Variants in PARN observed in about 807,000 individuals in gnomAD.
The protein encoded by PARN is poly(A)-specific ribonuclease PARN.
In PARN, 71 loss-of-function variants were observed where a neutral mutation model predicts 102.8. The observed-to-expected ratio is 0.69, with a 90% CI of 0.57 to 0.84. The LOEUF (loss-of-function observed/expected upper bound fraction) is 0.84. Ranked by LOEUF, PARN falls within the 40% of genes least tolerant of loss-of-function variation. The pLI is 0.00. For missense variants in PARN, 782 were observed against 760.9 expected, an observed-to-expected ratio of 1.03 and a Z score of -0.33; for synonymous variants, 261 against 252.9, an observed-to-expected ratio of 1.03 and a Z score of -0.30.
At chr16:14,518,570 A>G (rs1353684616) in intron 21 of PARN, among the ~76,000 whole-genome samples, 3 of 152,214 alleles carry the variant, frequency 2.0e-5, no homozygotes, top group East Asian at 3.8e-4. Flanking sequence ...AAGTAAATAT[A>G]GCAGATTACA....
chr16:14,595,088 A>C (rs144869449), intron 12 of PARN, among the ~76,000 whole-genome samples: 2 of 152,322 alleles, frequency 1.3e-5, no homozygotes, highest in East Asian at 3.9e-4. Flanking sequence ...CTAAAAACAA[A>C]ACGAATTGCA....
intron 19 of PARN, among the ~76,000 whole-genome samples, chr16:14,555,411 TA>T (rs1567380152): frequency 6.6e-6 from 1 of 152,126 alleles, no homozygotes; most frequent in African/African-American, 2.4e-5. Context: ...GAAAATGAAA[TA>T]TATAGAGAAG....
intron 12 of PARN, among the ~76,000 whole-genome samples, chr16:14,599,624 T>C (rs914861935): frequency 6.6e-6 from 1 of 152,200 alleles, no homozygotes; most frequent in South Asian, 2.1e-4. Context: ...GTTTTGAAAA[T>C]AACTCTTGGT....
At chr16:14,626,328 A>G (rs1427964163) in intron 5 of PARN, among the ~76,000 whole-genome samples, 1 of 152,210 alleles carries the variant, frequency 6.6e-6, no homozygotes, top group Non-Finnish European at 1.5e-5. Context: ...TTATTTTAAA[A>G]TAGAGATGAG....
chr16:14,533,051 A>AAG (rs1966437390), intron 21 of PARN, among the ~76,000 whole-genome samples: 1 of 152,078 alleles, frequency 6.6e-6, no homozygotes, highest in Non-Finnish European at 1.5e-5. Context: ...AGGCCAAGGC[A>AAG]GGCGGCTGGG....
chr16:14,451,840 C>A (rs1362281826), intron 22 of PARN, among the ~76,000 whole-genome samples: 1 of 81,618 alleles, frequency 1.2e-5, no homozygotes. Flanking sequence ...GAAACCCCGT[C>A]TCTAAAAAAA....
intron 21 of PARN, among the ~76,000 whole-genome samples, chr16:14,542,216 G>A (rs771677724): frequency 6.6e-6 from 1 of 152,062 alleles, no homozygotes; most frequent in South Asian, 2.1e-4. Flanking sequence ...ATGTTGCCCA[G>A]GCTGGTCTCA....
At chr16:14,497,981 G>C (rs557192603) in intron 21 of PARN, among the ~76,000 whole-genome samples, 10 of 152,178 alleles carry the variant, frequency 6.6e-5, no homozygotes, top group African/African-American at 2.2e-4. Flanking sequence ...GAAATGAGCT[G>C]GGTGTGGTGG....
chr16:14,473,676 AACAC>A (rs985393222), intron 22 of PARN, among the ~76,000 whole-genome samples: 2 of 152,168 alleles, frequency 1.3e-5, no homozygotes, highest in Admixed American at 6.5e-5. Flanking sequence ...AGGAAGAGTC[AACAC>A]AGAGCTTCCT....
chr16:14,604,528 T>C (rs1971069962), intron 10 of PARN, among the ~76,000 whole-genome samples: 1 of 152,182 alleles, frequency 6.6e-6, no homozygotes, highest in Non-Finnish European at 1.5e-5. Context: ...CCCAAAGTGC[T>C]GGGATTACAG....
At chr16:14,483,324 A>G (rs2151598141) in intron 21 of PARN, among the ~76,000 whole-genome samples, 1 of 152,326 alleles carries the variant, frequency 6.6e-6, no homozygotes, top group East Asian at 1.9e-4. Context: ...AGTGTTTTAC[A>G]TGCATTATAT....
At chr16:14,581,447 T>C (rs1308381859) in intron 17 of PARN, among the ~76,000 whole-genome samples, 1 of 152,176 alleles carries the variant, frequency 6.6e-6, no homozygotes. Context: ...CTCCCACTCC[T>C]ACCTCAAAAC....
At chr16:14,576,892 T>A (rs1386316645) in intron 18 of PARN, among the ~76,000 whole-genome samples, 1 of 152,182 alleles carries the variant, frequency 6.6e-6, no homozygotes, top group Non-Finnish European at 1.5e-5. Flanking sequence ...AAAAAACACC[T>A]CATATCACAT....
intron 6 of PARN, 79 bp from the exon 7 acceptor site, chr16:14,610,888 A>C: frequency 1.1e-6 from 1 of 899,784 alleles, no homozygotes. Flanking sequence ...CAAAGAGTCT[A>C]AATTACTCAG....
intron 18 of PARN, among the ~76,000 whole-genome samples, chr16:14,568,193 CTT>C (rs1968547691): frequency 6.6e-6 from 1 of 150,974 alleles, no homozygotes. Flanking sequence ...CTATGAAAAA[CTT>C]TATTTTTTTT....
intron 5 of PARN, among the ~76,000 whole-genome samples, chr16:14,618,539 C>T (rs906734680): frequency 6.7e-6 from 1 of 149,602 alleles, no homozygotes; most frequent in Admixed American, 6.7e-5. Context: ...TGTGTACCTG[C>T]AATCCCAGTT....
intron 21 of PARN, among the ~76,000 whole-genome samples, chr16:14,506,042 A>G (rs540820662): frequency 6.6e-6 from 1 of 152,342 alleles, no homozygotes; most frequent in Admixed American, 6.5e-5. Context: ...ACCAGACATC[A>G]GCAATAAGGG....
At chr16:14,445,313 T>C (rs1287917695) in intron 23 of PARN, among the ~76,000 whole-genome samples, 1 of 152,210 alleles carries the variant, frequency 6.6e-6, no homozygotes, top group African/African-American at 2.4e-5. Context: ...ATTTCATTAA[T>C]ATCCATGAGA....
intron 12 of PARN, among the ~76,000 whole-genome samples, chr16:14,599,193 C>T (rs1970729094): frequency 6.6e-6 from 1 of 152,048 alleles, no homozygotes; most frequent in African/African-American, 2.4e-5. Context: ...CAGGCATATA[C>T]CACCACACCT....
Sources: allele counts gnomAD v4.1 joint callset (sites outside exome capture counted in the v4.1 genomes callset), GRCh38; gene constraint gnomAD v4.1.1; transcripts MANE v1.5; gene names NCBI Gene and HGNC (gene_info 2026-07-23, HGNC 2026-07-21).